IGF2BP2: variants seen among roughly 807,000 people sequenced by gnomAD.
The protein encoded by IGF2BP2 is insulin-like growth factor 2 mRNA-binding protein 2.
In IGF2BP2, 17 loss-of-function variants were observed where a neutral mutation model predicts 75.8. That is an observed-to-expected ratio of 0.22 (90% CI 0.15 to 0.34). The LOEUF is 0.34. Ranked by LOEUF, IGF2BP2 falls within the 10% of genes least tolerant of loss-of-function variation. IGF2BP2 has a pLI of 1.00. For missense variants in IGF2BP2, 516 were observed against 772.4 expected (o/e 0.67, Z 3.93); for synonymous variants, 288 against 295.6 (o/e 0.97, Z 0.26).
chr3:185,729,950 G>C (rs985550292), intron 2 of IGF2BP2, among the ~76,000 whole-genome samples: 6 of 152,148 alleles, frequency 3.9e-5, no homozygotes, highest in Non-Finnish European at 8.8e-5. Flanking sequence ...ATCCATTCTC[G>C]CTAAGATTTT....
chr3:185,798,384 C>T (rs1169832608), intron 2 of IGF2BP2, among the ~76,000 whole-genome samples: 1 of 152,192 alleles, frequency 6.6e-6, no homozygotes, highest in African/African-American at 2.4e-5. Context: ...CTATCCAGAT[C>T]TTTCCTCTCC....
chr3:185,718,155 T>C (rs929777112), intron 2 of IGF2BP2: 1 of 152,252 alleles, frequency 6.6e-6, no homozygotes, highest in Non-Finnish European at 1.5e-5. Context: ...AATAAAGTTT[T>C]ATCAAAACAC....
intron 5 of IGF2BP2, among the ~76,000 whole-genome samples, chr3:185,690,110 C>G (rs982731339): frequency 6.6e-6 from 1 of 152,210 alleles, no homozygotes; most frequent in Non-Finnish European, 1.5e-5. Context: ...TCAGGGCTTA[C>G]GGTTAACAGT....
intron 2 of IGF2BP2, among the ~76,000 whole-genome samples, chr3:185,731,454 T>C (rs1270043256): frequency 6.6e-6 from 1 of 151,800 alleles, no homozygotes; most frequent in Admixed American, 6.6e-5. Context: ...GGTTTCACCA[T>C]GTTGGCCAGG....
chr3:185,709,345 C>G (rs1724482475), intron 2 of IGF2BP2, among the ~76,000 whole-genome samples: 2 of 152,192 alleles, frequency 1.3e-5, no homozygotes, highest in South Asian at 4.1e-4. Context: ...CTACCTGTGT[C>G]TGTTTTTTCC....
intron 3 of IGF2BP2, 65 bp downstream of exon 3, chr3:185,698,234 T>A (rs981149198): frequency 1.4e-6 from 2 of 1,435,488 alleles, no homozygotes; most frequent in African/African-American, 1.4e-5. Flanking sequence ...AATTCCTAAA[T>A]GTAAAATGGA....
intron 2 of IGF2BP2, among the ~76,000 whole-genome samples, chr3:185,744,233 C>T (rs964162233): frequency 1.3e-5 from 2 of 152,094 alleles, no homozygotes; most frequent in Non-Finnish European, 2.9e-5. Context: ...AAGTATTTTT[C>T]AATAAAATTT....
intron 10 of IGF2BP2, among the ~76,000 whole-genome samples, chr3:185,664,846 G>C (rs550963141): frequency 1.3e-5 from 2 of 152,176 alleles, no homozygotes; most frequent in Non-Finnish European, 2.9e-5. Flanking sequence ...AAATAAAGTG[G>C]ATGGGAGAGA....
At chr3:185,660,686 C>T (rs1394035288) in intron 10 of IGF2BP2, among the ~76,000 whole-genome samples, 1 of 152,192 alleles carries the variant, frequency 6.6e-6, no homozygotes, top group East Asian at 1.9e-4. Context: ...CAGTTTCTCT[C>T]TCTTGGCTCT....
chr3:185,753,850 C>T (rs1578197397), intron 2 of IGF2BP2, among the ~76,000 whole-genome samples: 1 of 152,182 alleles, frequency 6.6e-6, no homozygotes, highest in African/African-American at 2.4e-5. Flanking sequence ...TTGCTTGGCA[C>T]CATCCCCTTG....
chr3:185,708,776 TC>T (rs1724404574), intron 2 of IGF2BP2, among the ~76,000 whole-genome samples: 1 of 152,154 alleles, frequency 6.6e-6, no homozygotes, highest in African/African-American at 2.4e-5. Flanking sequence ...CTAGACAAAG[TC>T]CTCAGAAGAG....
At chr3:185,742,924 C>A (rs1281539781) in intron 2 of IGF2BP2, among the ~76,000 whole-genome samples, 1 of 151,992 alleles carries the variant, frequency 6.6e-6, no homozygotes, top group African/African-American at 2.4e-5. Flanking sequence ...TATGGTGAAA[C>A]CCCGTCTCTA....
At chr3:185,666,692 G>T (rs939213094) in intron 10 of IGF2BP2, among the ~76,000 whole-genome samples, 1 of 151,780 alleles carries the variant, frequency 6.6e-6, no homozygotes, top group Non-Finnish European at 1.5e-5. Flanking sequence ...CCACAAGTTT[G>T]GATATTTAAA....
At chr3:185,794,479 CTGGTTAATGA>C (rs140609264) in intron 2 of IGF2BP2, among the ~76,000 whole-genome samples, 3,469 of 98,340 alleles carry the variant, frequency 0.035, 76 homozygotes, top group African/African-American at 0.053. Flanking sequence ...GATCACAGAG[CTGGTTAATGA>C]CAGAACCAGA....
At chr3:185,798,956 T>A (rs967314212) in intron 2 of IGF2BP2, among the ~76,000 whole-genome samples, 31 of 151,966 alleles carry the variant, frequency 2.0e-4, no homozygotes, top group African/African-American at 6.8e-4. Context: ...CTTGTATTTT[T>A]TGTAGCAACG....
At chr3:185,646,966 G>T in intron 15 of IGF2BP2, 59 bp downstream of exon 15, 1 of 1,321,136 alleles carries the variant, frequency 7.6e-7, no homozygotes, top group Non-Finnish European at 1.1e-6. Context: ...GCCACCAGCA[G>T]CTTAGCAGAG....
intron 2 of IGF2BP2, chr3:185,716,605 T>G (rs761829520): frequency 6.0e-5 from 31 of 520,044 alleles, no homozygotes; most frequent in Middle Eastern, 6.4e-4. Flanking sequence ...TACCTCCTAC[T>G]TTTCTTCGGG....
At chr3:185,712,064 C>A (rs535445811) in intron 2 of IGF2BP2, among the ~76,000 whole-genome samples, 1 of 152,188 alleles carries the variant, frequency 6.6e-6, no homozygotes, top group African/African-American at 2.4e-5. Context: ...GACCTGGAGC[C>A]AGCACTGAAT....
intron 2 of IGF2BP2, among the ~76,000 whole-genome samples, chr3:185,749,695 C>T (rs1730710279): frequency 6.6e-6 from 1 of 152,074 alleles, no homozygotes; most frequent in African/African-American, 2.4e-5. Flanking sequence ...GTTTTACTAC[C>T]CAGTGTAAAA....
Sources: allele counts gnomAD v4.1 joint callset (sites outside exome capture counted in the v4.1 genomes callset), GRCh38; gene constraint gnomAD v4.1.1; transcripts MANE v1.5; gene names NCBI Gene and HGNC (gene_info 2026-07-23, HGNC 2026-07-21).